RANBP9: variants seen among roughly 807,000 people sequenced by gnomAD.
RANBP9 encodes the protein ran-binding protein 9.
A neutral mutation model predicts 84.3 loss-of-function variants in RANBP9; 15 were observed. That is an observed-to-expected ratio of 0.18 (90% CI 0.12 to 0.27). The LOEUF is 0.27. RANBP9 is among the 10% of genes least tolerant of loss of function. RANBP9 has a pLI of 1.00. For missense variants in RANBP9, 809 were observed against 912.8 expected (o/e 0.89, Z 1.46); for synonymous variants, 392 against 349.6 (o/e 1.12, Z -1.35).
intron 2 of RANBP9, among the ~76,000 whole-genome samples, chr6:13,665,174 G>A (rs934221264): frequency 3.9e-5 from 6 of 152,108 alleles, no homozygotes; most frequent in Non-Finnish European, 7.4e-5. Context: ...AAGAAAACAT[G>A]TAAAACTATC....
intron 2 of RANBP9, among the ~76,000 whole-genome samples, chr6:13,685,128 C>A (rs968836997): frequency 6.6e-6 from 1 of 152,160 alleles, no homozygotes; most frequent in African/African-American, 2.4e-5. Context: ...AATGTGCATA[C>A]CCCTTCTTGT....
intron 2 of RANBP9, among the ~76,000 whole-genome samples, chr6:13,685,769 A>G (rs1385166361): frequency 4.6e-5 from 7 of 151,964 alleles, no homozygotes; most frequent in Admixed American, 4.6e-4. Flanking sequence ...CTCTACTGAA[A>G]ATACAAAAAG....
At chr6:13,627,661 T>C (rs1425978627) in intron 12 of RANBP9, among the ~76,000 whole-genome samples, 4 of 145,426 alleles carry the variant, frequency 2.8e-5, no homozygotes, top group Non-Finnish European at 6.1e-5. Flanking sequence ...AAAATCACGT[T>C]ATTTTTAAGG....
intron 2 of RANBP9, among the ~76,000 whole-genome samples, chr6:13,679,889 G>C (rs1232306925): frequency 6.6e-6 from 1 of 152,020 alleles, no homozygotes; most frequent in Non-Finnish European, 1.5e-5. Context: ...TTCAAGACTT[G>C]TTCACAGGAA....
chr6:13,637,278 T>C (rs1764960768), intron 10 of RANBP9, among the ~76,000 whole-genome samples: 1 of 152,226 alleles, frequency 6.6e-6, no homozygotes. Flanking sequence ...GTTTACTAAA[T>C]GACTTAACCA....
rs749514584 is a variant in RANBP9 at position 13,642,532 on chromosome 6, C to G, written c.1172G>C (p.Arg391Thr). The G allele has an allele frequency of 6.2e-7, 1 of 1,612,194 alleles. No individual in the cohort carries two copies. ...GYCATAEAFARSTDQTVLEEL... is the reference protein window; with the variant it reads ...GYCATAEAFATSTDQTVLEEL... ...TTCTAGAACGGTCTGGTCTGTAGATCTGGCAAAGGCCTCTGCTGTGGCACA... is the reference window on the plus strand; with the variant it reads ...TTCTAGAACGGTCTGGTCTGTAGATGTGGCAAAGGCCTCTGCTGTGGCACA... The change falls in exon 7 of 14, where the codon AGA becomes ACA. Residue 391 changes from arginine to threonine, a missense_variant. Coordinates refer to ENST00000011619, the MANE Select transcript of RANBP9 (RefSeq NM_005493.3).
At chr6:13,657,071 T>G in intron 4 of RANBP9, 38 bp downstream of exon 4, 1 of 1,510,474 alleles carries the variant, frequency 6.6e-7, no homozygotes, top group Non-Finnish European at 9.0e-7. Context: ...ATAATCTCCA[T>G]ATTTGGTTAT....
intron 5 of RANBP9, among the ~76,000 whole-genome samples, chr6:13,645,360 A>T (rs146623450): frequency 4.5e-4 from 69 of 152,266 alleles, no homozygotes; most frequent in African/African-American, 1.6e-3. Context: ...GAGGAAAAGG[A>T]TGAATCTGAA....
rs770661367 is a variant in RANBP9 at position 13,680,662 on chromosome 6, G to A, written c.683+16123C>T. ...TCCCAGCTACTCAGGAGGCTGAGGC[G>A]GGAGGATCGCTTGGCCCCAGGAGGT... On this transcript the variant is annotated intron_variant, in intron 2 of 13. Transcript: ENST00000011619. 1.2e-4 allele frequency among the ~76,000 whole-genome samples: 18 copies of A among 152,036 alleles called. No individual in the cohort carries two copies. The South Asian group carries it at 3.5e-3, about 30-fold the overall frequency.
At position 13,711,424 on chromosome 6, in the gene RANBP9, C is replaced by T; in HGVS notation, c.82G>A (p.Ala28Thr). The T allele has an allele frequency of 8.4e-7, 1 of 1,192,294 alleles. No homozygotes were observed. Among genetic ancestry groups the T allele is most frequent in the South Asian group, 4.1e-5 (1 of 24,204 alleles). The allele number at this position is 1,192,294 out of a possible 1,614,324, so 73.9% of individuals were successfully genotyped here. Residue 28 changes from alanine to threonine, a missense_variant, in exon 1 of 14, where the codon GCC (alanine) becomes ACC (threonine). Ala to Thr is a moderately conservative substitution (Grantham distance 58). Transcript: ENST00000011619. Reference protein sequence around the residue: ...QLSPPPPAALAPVSGVVLPAP... With the variant: ...QLSPPPPAALTPVSGVVLPAP... ...GGCAGGACGACTCCGGAGACTGGGG[C>T]CAAGGCCGCCGGCGGTGGCGGCGAC...
At chr6:13,624,425 G>A (rs1289126723) in intron 13 of RANBP9, among the ~76,000 whole-genome samples, 1 of 152,106 alleles carries the variant, frequency 6.6e-6, no homozygotes, top group Non-Finnish European at 1.5e-5. Flanking sequence ...GAACCTTGCA[G>A]GGCCAAACAG....
chr6:13,656,310 G>C (rs1202053994), intron 4 of RANBP9, among the ~76,000 whole-genome samples: 3 of 151,732 alleles, frequency 2.0e-5, no homozygotes, highest in African/African-American at 7.3e-5. Flanking sequence ...AATTTGCTTT[G>C]AGTCAAAGAT....
chr6:13,632,342 A>C (rs1460451808), intron 12 of RANBP9, 28 bp downstream of exon 12: 1 of 1,602,184 alleles, frequency 6.2e-7, no homozygotes, highest in South Asian at 1.1e-5. Flanking sequence ...TGACATATTC[A>C]TAATTTTTCA....
At chr6:13,639,468 G>A (rs6915775) in intron 9 of RANBP9, 95 bp downstream of exon 9, 503,324 of 1,342,220 alleles carry the variant, frequency 0.37, 96,381 homozygotes, top group Admixed American at 0.55. Flanking sequence ...GTGAGCCACC[G>A]TGCCCAGCTG....
intron 12 of RANBP9, among the ~76,000 whole-genome samples, chr6:13,630,959 G>A (rs1188708321): frequency 3.3e-5 from 5 of 151,782 alleles, no homozygotes; most frequent in African/African-American, 7.3e-5. Context: ...ACCGGCGCCC[G>A]CCACCAGGCC....
At chr6:13,640,700 T>TA (rs1164953909) in intron 8 of RANBP9, among the ~76,000 whole-genome samples, 4 of 152,190 alleles carry the variant, frequency 2.6e-5, no homozygotes, top group Non-Finnish European at 4.4e-5. Flanking sequence ...GTCAAATTCA[T>TA]AGAGGCAAAA....
At chr6:13,693,291 G>T (rs1454806088) in intron 2 of RANBP9, among the ~76,000 whole-genome samples, 1 of 152,188 alleles carries the variant, frequency 6.6e-6, no homozygotes, top group African/African-American at 2.4e-5. Flanking sequence ...AAGAGCAGGT[G>T]AGAATTAGGG....
chr6:13,633,635 T>C (rs903839200), intron 11 of RANBP9, among the ~76,000 whole-genome samples: 4 of 152,218 alleles, frequency 2.6e-5, no homozygotes, highest in Non-Finnish European at 4.4e-5. Context: ...GAACTCCTGC[T>C]CTTTATCACT....
chr6:13,668,679 A>T (rs1291097582), intron 2 of RANBP9, among the ~76,000 whole-genome samples: 6 of 152,048 alleles, frequency 3.9e-5, no homozygotes, highest in African/African-American at 7.2e-5. Flanking sequence ...TTCACGATTT[A>T]AAAAAAATCA....
Sources: allele counts gnomAD v4.1 joint callset (sites outside exome capture counted in the v4.1 genomes callset), GRCh38; gene constraint gnomAD v4.1.1; transcripts MANE v1.5; gene names NCBI Gene and HGNC (gene_info 2026-07-23, HGNC 2026-07-21).